CCDC80: variants seen among roughly 807,000 people sequenced by gnomAD.
The protein encoded by CCDC80 is coiled-coil domain-containing protein 80.
CCDC80 carries 49 observed loss-of-function variants against 78.7 expected under a neutral mutation model. That is an observed-to-expected ratio of 0.62 (90% confidence interval 0.50 to 0.79). The LOEUF (loss-of-function observed/expected upper bound fraction) is 0.79, where lower values mean the gene tolerates loss of function less well. CCDC80 is among the 30% of genes least tolerant of loss of function. The probability of loss-of-function intolerance (pLI) is 0.00; values close to 1 mark genes in which losing one functional copy is unlikely to be tolerated. For missense variants in CCDC80, 1,205 were observed against 1,198.6 expected, an observed-to-expected ratio of 1.01 and a Z score of -0.08; for synonymous variants, 488 against 447.0, an observed-to-expected ratio of 1.09 and a Z score of -1.16.
Position 112,604,732 on chromosome 3 carries a change from T to C in CCDC80, c.*685A>G, listed in dbSNP as rs1248624473. ...ACTAGAACTCTGGAAGTATCGCCTT[T>C]GGCTGCAGTGCCAGATTCTGGTGAG... On this transcript the variant is annotated 3_prime_UTR_variant, in exon 8 of 8. Coordinates refer to ENST00000206423, the MANE Select transcript of CCDC80 (RefSeq NM_199511.3). The C allele has an allele frequency of 2.0e-5, 3 of 152,260 alleles. No individual in the cohort carries two copies. The highest frequency in any genetic ancestry group is 7.2e-5 in the African/African-American group (3 of 41,448). 9.4% of individuals were successfully genotyped at this position (152,260 alleles called of 1,614,324 possible).
intron 3 of CCDC80, among the ~76,000 whole-genome samples, chr3:112,626,748 A>G (rs1935983771): frequency 1.3e-5 from 2 of 152,086 alleles, no homozygotes; most frequent in South Asian, 4.1e-4. Flanking sequence ...GGATTTCACC[A>G]TATTGGCCAG....
In CCDC80 at chr3:112,638,849, G is replaced by T. The variant is rs1293568313; in HGVS notation, c.1057C>A (p.Leu353Ile). ...ACTGTTGTGGCTGGGGCAGGAGGAA[G>T]GGTGGTGGCTCTGGGGGTTGAGGGA... ...QPPSTPRATT[L>I]PPAPATTVTR... Residue 353 changes from leucine (L) to isoleucine (I), a missense_variant, in exon 2 of 8, where the codon CTT becomes ATT. Coordinates refer to ENST00000206423, the MANE Select transcript of CCDC80 (RefSeq NM_199511.3). The T allele has an allele frequency of 6.2e-7, 1 of 1,613,662 alleles. No homozygotes were observed. The highest frequency in any genetic ancestry group is 8.5e-7 in the Non-Finnish European group (1 of 1,180,026).
At position 112,603,596 on chromosome 3, in the gene CCDC80, A is replaced by G. The variant is rs1388629560; in HGVS notation, c.*1821T>C. The G allele has an allele frequency of 6.7e-6, 1 of 148,174 alleles. No individual in the cohort carries two copies. The highest frequency in any genetic ancestry group is 2.5e-5 in the African/African-American group (1 of 40,550). 9.2% of individuals were successfully genotyped at this position (148,174 alleles called of 1,614,324 possible). On this transcript the variant is annotated 3_prime_UTR_variant, in exon 8 of 8. Transcript: ENST00000206423. The stretch of plus-strand genomic sequence containing the variant: ...TATATATATAAATGATCAGTTCCAG[A>G]CCACTATAATATATATATATATAGC...
chr3:112,609,873 G>T, intron 6 of CCDC80, 105 bp downstream of exon 6: 2 of 830,784 alleles, frequency 2.4e-6, no homozygotes, highest in South Asian at 1.7e-5. Flanking sequence ...TGAACAGTCT[G>T]AACTAGGAAT....
chr3:112,607,783 A>G (rs1450248424), intron 6 of CCDC80, among the ~76,000 whole-genome samples: 1 of 152,192 alleles, frequency 6.6e-6, no homozygotes, highest in Non-Finnish European at 1.5e-5. Context: ...CTCGGTCTCA[A>G]AAAAAAGAAA....
rs755443205 is a variant in CCDC80, at chr3:112,616,763, C to T, written c.2268G>A (p.Glu756=). ...RIKDMEKQKK[E]GIVCKEDKKQ... Reference sequence around the variant, plus strand: ...TTTTGTCCTCTTTGCAAACAATGCCCTCCTTCTTCTGCTTCTCCATATCTT... The same window carrying T: ...TTTTGTCCTCTTTGCAAACAATGCCTTCCTTCTTCTGCTTCTCCATATCTT... Residue 756 remains glutamate, a synonymous_variant, in exon 5 of 8, where the codon GAG becomes GAA. Transcript: ENST00000206423. 2.5e-6 allele frequency: 4 copies of T among 1,614,218 alleles called. No homozygotes were observed. The highest frequency in any genetic ancestry group is 8.5e-7 in the Non-Finnish European group (1 of 1,180,026).
At chr3:112,628,734 C>A (rs1490883804) in intron 3 of CCDC80, among the ~76,000 whole-genome samples, 2 of 152,126 alleles carry the variant, frequency 1.3e-5, no homozygotes, top group South Asian at 2.1e-4. Context: ...CTAAATTATA[C>A]ACACAGTGCA....
rs1351726779 is a variant in CCDC80 at position 112,602,658 on chromosome 3, G to C, written c.*2759C>G. ...TTCCCTTAAGCCAAAGCCTAGTTCA[G>C]AGCAAGGCCCTAACTCTCTTCAATT... On this transcript the variant is annotated 3_prime_UTR_variant, in exon 8 of 8. Transcript: ENST00000206423. 6.6e-6 allele frequency: 1 copy of C among 152,240 alleles called. No individual in the cohort carries two copies. Among genetic ancestry groups the C allele is most frequent in the Non-Finnish European group, 1.5e-5 (1 of 68,062 alleles). The allele number at this position is 152,240 out of a possible 1,614,324, so 9.4% of individuals were successfully genotyped here.
intron 5 of CCDC80, among the ~76,000 whole-genome samples, chr3:112,612,649 C>T (rs1935654840): frequency 6.6e-6 from 1 of 152,160 alleles, no homozygotes; most frequent in Admixed American, 6.5e-5. Context: ...GTTTGCTTCT[C>T]TTAACTGGCA....
chr3:112,603,874 C>G lies in CCDC80; in HGVS notation c.*1543G>C, dbSNP rs926244732. 1 of 152,058 alleles carries G rather than the reference C, an allele frequency of 6.6e-6. No homozygotes were observed. Among genetic ancestry groups the G allele is most frequent in the Non-Finnish European group, 1.5e-5 (1 of 68,040 alleles). The allele number at this position is 152,058 out of a possible 1,614,324, so 9.4% of individuals were successfully genotyped here. Reference sequence around the variant, plus strand: ...AACATCGTGATTCATGGGAGAAGGTCAAAATAGGAAGATCAATGAGTTCGG... The same window carrying G: ...AACATCGTGATTCATGGGAGAAGGTGAAAATAGGAAGATCAATGAGTTCGG... On this transcript the variant is annotated 3_prime_UTR_variant, in exon 8 of 8. Coordinates refer to ENST00000206423, the MANE Select transcript of CCDC80 (RefSeq NM_199511.3).
In CCDC80 at chr3:112,618,258, C is replaced by T. The variant is rs183632033; in HGVS notation, c.2172+710G>A. On this transcript the variant is annotated intron_variant, in intron 4 of 7. Coordinates refer to ENST00000206423, the MANE Select transcript of CCDC80 (RefSeq NM_199511.3). ...ACTTTTGGCAGGGCGTGGTGGCTCACGCCTGTAATCCCAGCACTTTGGGAG... is the reference window on the plus strand; with the variant it reads ...ACTTTTGGCAGGGCGTGGTGGCTCATGCCTGTAATCCCAGCACTTTGGGAG... Among the ~76,000 whole-genome samples, 23 of 152,298 alleles carry T rather than the reference C, an allele frequency of 1.5e-4. No homozygotes were observed. In the East Asian group the frequency reaches 3.3e-3, roughly 22 times the overall value.
chr3:112,618,377 A>G (rs1935794998), intron 4 of CCDC80, among the ~76,000 whole-genome samples: 2 of 152,130 alleles, frequency 1.3e-5, no homozygotes, highest in Non-Finnish European at 2.9e-5. Flanking sequence ...AAATAAAATT[A>G]GCCGGGTGTG....
chr3:112,616,612 T>C, intron 5 of CCDC80, 98 bp downstream of exon 5: 1 of 1,377,624 alleles, frequency 7.3e-7, no homozygotes, highest in Non-Finnish European at 1.0e-6. Flanking sequence ...GATTACTCTC[T>C]GTAAACACCT....
At chr3:112,619,705 A>T (rs1935823995) in intron 3 of CCDC80, among the ~76,000 whole-genome samples, 1 of 152,226 alleles carries the variant, frequency 6.6e-6, no homozygotes, top group Non-Finnish European at 1.5e-5. Flanking sequence ...AAATGTGACA[A>T]TTTATGGAAA....
chr3:112,613,276 CA>C (rs780807294), intron 5 of CCDC80, among the ~76,000 whole-genome samples: 5 of 152,034 alleles, frequency 3.3e-5, no homozygotes, highest in Non-Finnish European at 7.4e-5. Context: ...CAATTATTAG[CA>C]GAATGATTTT....
At chr3:112,627,641 A>G (rs1453058927) in intron 3 of CCDC80, among the ~76,000 whole-genome samples, 3 of 152,232 alleles carry the variant, frequency 2.0e-5, no homozygotes, top group Non-Finnish European at 2.9e-5. Context: ...CACTGAGCCC[A>G]TGGCTCATGC....
rs770453194 is a variant in CCDC80, at chr3:112,638,631, C to T, written c.1275G>A (p.Glu425=). Residue 425 remains glutamate (E), a synonymous_variant, in exon 2 of 8, where the codon GAG becomes GAA. Coordinates refer to ENST00000206423, the MANE Select transcript of CCDC80 (RefSeq NM_199511.3). ...TGGGCCTCCTGGTTGTCTGTGGCCT[C>T]TCCCTGTGCTGATCCTTCCGGGATG... ...YPPSRKDQHR[E]RPQTTRRPSK... The T allele has an allele frequency of 6.2e-7, 1 of 1,613,996 alleles. No individual in the cohort carries two copies. Among genetic ancestry groups the T allele is most frequent in the Admixed American group, 1.7e-5 (1 of 60,012 alleles).
At position 112,638,508 on chromosome 3, in the gene CCDC80, G is replaced by C; in HGVS notation, c.1398C>G (p.Asn466Lys). The C allele has an allele frequency of 6.2e-7, 1 of 1,614,066 alleles. No individual in the cohort carries two copies. Among genetic ancestry groups the C allele is most frequent in the Non-Finnish European group, 8.5e-7 (1 of 1,180,008 alleles). Residue 466 changes from asparagine (N) to lysine (K), a missense_variant, in exon 2 of 8, where the codon AAC (asparagine) becomes AAG (lysine). Physicochemically the swap from Asn to Lys is moderately conservative, Grantham distance 94. Transcript: ENST00000206423. ...GGCCATGTTCCCGCCTGTCCATGCG[G>C]TTGTCCCGGAAACGGCCTGGGCCAG... ...RAAGPGRFRD[N>K]RMDRREHGHR...
intron 1 of CCDC80, 31 bp downstream of exon 1, chr3:112,640,296 A>T (rs1238324680): frequency 1.0e-5 from 2 of 197,550 alleles, no homozygotes; most frequent in Non-Finnish European, 2.1e-5. Flanking sequence ...ACAAATAAAC[A>T]GATCAAAGAC....
Sources: gnomAD v4.1 joint callset for allele counts (sites outside exome capture counted in the v4.1 genomes callset) on GRCh38, gnomAD v4.1.1 for gene constraint, MANE v1.5 for transcripts, NCBI Gene and HGNC (gene_info 2026-07-23, HGNC 2026-07-21) for gene names.